The following THAP12 variants were observed in gnomAD, a reference collection of about 807,000 sequenced individuals.
THAP12 encodes the protein THAP domain containing 12.
THAP12 carries 20 observed loss-of-function variants against 63.0 expected under a neutral mutation model. The ratio of observed to expected loss-of-function variants is 0.32; its 90% CI spans 0.22 to 0.46. The LOEUF (loss-of-function observed/expected upper bound fraction) is 0.46. THAP12 is among the 20% of genes least tolerant of loss of function. The pLI is 1.00. For synonymous variants in THAP12, 264 were observed against 328.4 expected, an observed-to-expected ratio of 0.80 and a Z score of 2.12; for missense variants, 568 against 908.2, an observed-to-expected ratio of 0.63 and a Z score of 4.81.
At chr11:76,369,480 A>G (rs1407099248) in intron 1 of THAP12, among the ~76,000 whole-genome samples, 3 of 152,220 alleles carry the variant, frequency 2.0e-5, no homozygotes, top group Admixed American at 2.0e-4. Context: ...AACACAGCAG[A>G]CCTCAGGCTG....
At chr11:76,369,148 G>C (rs568617092) in intron 1 of THAP12, among the ~76,000 whole-genome samples, 35 of 152,198 alleles carry the variant, frequency 2.3e-4, no homozygotes, top group African/African-American at 4.1e-4. Flanking sequence ...AAAAATGCTC[G>C]ATCTCATTTG....
intron 1 of THAP12, among the ~76,000 whole-genome samples, chr11:76,378,754 C>T (rs947135642): frequency 3.9e-5 from 6 of 152,014 alleles, no homozygotes; most frequent in South Asian, 4.2e-4. Flanking sequence ...TGGACAGGCA[C>T]GCACCACTGG....
At chr11:76,380,631 G>A (rs1051350876) in intron 1 of THAP12, 117 bp downstream of exon 1, 4 of 761,530 alleles carry the variant, frequency 5.3e-6, no homozygotes, top group East Asian at 4.1e-5. Flanking sequence ...ACGGCAGTGC[G>A]CTGCGCCCGC....
intron 2 of THAP12, among the ~76,000 whole-genome samples, chr11:76,362,207 G>T (rs1050620797): frequency 2.0e-5 from 3 of 152,178 alleles, no homozygotes; most frequent in East Asian, 1.9e-4. Context: ...CCTGAATTTG[G>T]AATGATAAAG....
chr11:76,360,392 A>C (rs1946590406), intron 3 of THAP12, among the ~76,000 whole-genome samples: 1 of 152,228 alleles, frequency 6.6e-6, no homozygotes, highest in Non-Finnish European at 1.5e-5. Context: ...CTAAGGAGTT[A>C]CTGTACTTCT....
At chr11:76,356,555 A>T (rs1045309576) in intron 3 of THAP12, 1 of 152,214 alleles carries the variant, frequency 6.6e-6, no homozygotes, top group African/African-American at 2.4e-5. Flanking sequence ...ATATCTATGG[A>T]TTTAACCAAC....
chr11:76,378,095 T>G (rs549870303), intron 1 of THAP12, among the ~76,000 whole-genome samples: 5 of 152,326 alleles, frequency 3.3e-5, no homozygotes, highest in African/African-American at 1.2e-4. Flanking sequence ...ATTTTTCTTT[T>G]TACTGCATGT....
At chr11:76,357,014 C>G (rs1000383682) in intron 3 of THAP12, 3 of 151,586 alleles carry the variant, frequency 2.0e-5, no homozygotes, top group Non-Finnish European at 2.9e-5. Flanking sequence ...TGCACTCCAG[C>G]CTGGGCAACA....
Position 76,352,349 on chromosome 11 carries a change from T to A in THAP12, c.801A>T (p.Val267=). 6.2e-7 allele frequency: 1 copy of A among 1,612,022 alleles called. No homozygotes were observed. Among genetic ancestry groups the A allele is most frequent in the South Asian group, 1.1e-5 (1 of 90,980 alleles). ...SHFFSIITDD[V]VDIAGEEHLP... ...GGTGCTCTTCCCCTGCTATGTCCAC[T>A]ACATCGTCAGTGATAATGGAAAAGA... Residue 267 remains valine, a synonymous_variant, in exon 5 of 5, where the codon GTA becomes GTT. Coordinates refer to ENST00000260045, the MANE Select transcript of THAP12 (RefSeq NM_004705.4).
intron 1 of THAP12, among the ~76,000 whole-genome samples, chr11:76,369,606 G>A (rs1946656242): frequency 6.6e-6 from 1 of 152,180 alleles, no homozygotes; most frequent in East Asian, 1.9e-4. Context: ...GCAGCTCAAT[G>A]TGCCTAGACT....
Position 76,351,479 on chromosome 11 carries a change from G to A in THAP12, c.1671C>T (p.Arg557=). ...ATTCCAAGTTACCCTGGTGAGCTCTGCGGAATTTCCCAGGGAGTTTCATTT... is the reference window on the plus strand; with the variant it reads ...ATTCCAAGTTACCCTGGTGAGCTCTACGGAATTTCCCAGGGAGTTTCATTT... The part of the protein sequence containing the change: ...DIQMKLPGKF[R]RAHQGNLESQ... The change falls in exon 5 of 5, where the codon CGC becomes CGT. Residue 557 remains arginine, a synonymous_variant. Coordinates refer to ENST00000260045, the MANE Select transcript of THAP12 (RefSeq NM_004705.4). 1 of 1,576,270 alleles carries A rather than the reference G, an allele frequency of 6.3e-7. No homozygotes were observed. Among genetic ancestry groups the A allele is most frequent in the South Asian group, 1.2e-5 (1 of 86,486 alleles).
chr11:76,363,193 C>CA (rs1404420000), intron 2 of THAP12, among the ~76,000 whole-genome samples: 1 of 151,804 alleles, frequency 6.6e-6, no homozygotes, highest in African/African-American at 2.4e-5. Context: ...GGACACATGC[C>CA]AAAAAAGACA....
intron 1 of THAP12, among the ~76,000 whole-genome samples, chr11:76,377,728 T>C (rs1349719225): frequency 6.6e-6 from 1 of 152,250 alleles, no homozygotes; most frequent in African/African-American, 2.4e-5. Context: ...TTTTTGAATA[T>C]CAGTTTGCAA....
chr11:76,369,739 G>A (rs1216322334), intron 1 of THAP12, among the ~76,000 whole-genome samples: 8 of 152,236 alleles, frequency 5.3e-5, no homozygotes, highest in Admixed American at 1.3e-4. Context: ...CGGACACTAC[G>A]TCTCTAACGG....
At chr11:76,360,738 A>G (rs766123198) in intron 3 of THAP12, among the ~76,000 whole-genome samples, 2 of 152,256 alleles carry the variant, frequency 1.3e-5, no homozygotes, top group Non-Finnish European at 2.9e-5. Flanking sequence ...GACCAAGTCA[A>G]CAAGTATCAA....
intron 1 of THAP12, chr11:76,368,667 G>T (rs1946648661): frequency 6.6e-6 from 1 of 152,154 alleles, no homozygotes; most frequent in African/African-American, 2.4e-5. Context: ...AGCAAATATG[G>T]ATTTTTCTTT....
At chr11:76,360,289 A>C (rs1946589856) in intron 3 of THAP12, among the ~76,000 whole-genome samples, 1 of 152,198 alleles carries the variant, frequency 6.6e-6, no homozygotes, top group East Asian at 1.9e-4. Context: ...CTGGTAGGGA[A>C]AGGAATGGTA....
chr11:76,368,903 T>C (rs906561401), intron 1 of THAP12, among the ~76,000 whole-genome samples: 1 of 152,216 alleles, frequency 6.6e-6, no homozygotes, highest in Non-Finnish European at 1.5e-5. Flanking sequence ...GATATATAAA[T>C]TAGGCTACTT....
chr11:76,366,039 A>G (rs1360531293), intron 1 of THAP12, 67 bp from the exon 2 acceptor site: 41 of 1,539,578 alleles, frequency 2.7e-5, no homozygotes, highest in Non-Finnish European at 3.6e-5. Context: ...CTTCAGTTTT[A>G]AGGCAAACAT....
Sources: allele counts gnomAD v4.1 joint callset (sites outside exome capture counted in the v4.1 genomes callset), GRCh38; gene constraint gnomAD v4.1.1; transcripts MANE v1.5; gene names NCBI Gene and HGNC (gene_info 2026-07-23, HGNC 2026-07-21).